Variants in ATOSB observed in about 807,000 individuals in gnomAD.
The protein encoded by ATOSB is atos homolog B, also known as atos homolog protein B.
chr9:35,111,152 T>G, the ATOSB span: 1 of 154,194 alleles, frequency 6.5e-6, no homozygotes, highest in African/African-American at 2.4e-5. Flanking sequence ...GGACGATCCC[T>G]TACCCCCTGC....
the ATOSB span, chr9:35,107,597 C>T: frequency 1.3e-6 from 2 of 1,590,576 alleles, no homozygotes; most frequent in Middle Eastern, 1.7e-4. Flanking sequence ...GGGGTGTGTG[C>T]TCGGGACTGT....
At chr9:35,106,075 C>T in the ATOSB span, 1 of 1,548,634 alleles carries the variant, frequency 6.5e-7, no homozygotes, top group Non-Finnish European at 8.8e-7. The surrounding 1 kb of genome is among the most constrained non-coding windows in gnomAD (Gnocchi z 4.6). Context: ...AAACACATGT[C>T]CCTCTCCACA....
chr9:35,106,698 C>T, the ATOSB span: 2 of 1,475,704 alleles, frequency 1.4e-6, no homozygotes, highest in Admixed American at 2.0e-5. This position sits in a 1 kb window ranked among gnomAD's most constrained non-coding sequence, Gnocchi z 4.6. Flanking sequence ...GGGATTCCTG[C>T]TTATGCCCTT....
the ATOSB span, chr9:35,107,226 G>A: frequency 1.1e-6 from 1 of 909,050 alleles, no homozygotes; most frequent in Non-Finnish European, 1.6e-6. Context: ...GGGAGGCTGA[G>A]GTTGGAGGAT....
At chr9:35,114,013 G>A in the ATOSB span, among the ~76,000 whole-genome samples, 1 of 152,162 alleles carries the variant, frequency 6.6e-6, no homozygotes, top group African/African-American at 2.4e-5. Flanking sequence ...TGTAAAATGA[G>A]GTGTTTGTAT....
At chr9:35,106,247 C>T in the ATOSB span, 4 of 1,613,202 alleles carry the variant, frequency 2.5e-6, no homozygotes, top group Non-Finnish European at 3.4e-6. This position sits in a 1 kb window ranked among gnomAD's most constrained non-coding sequence, Gnocchi z 4.6. Flanking sequence ...GGAGTCAAGG[C>T]ATACCAGGAA....
chr9:35,110,495 A>G, the ATOSB span: 1 of 144,992 alleles, frequency 6.9e-6, no homozygotes, highest in Non-Finnish European at 1.5e-5. Context: ...AAGACGCTCT[A>G]TATTCACTCC....
the ATOSB span, chr9:35,105,643 ACCTGGGCCT>A: frequency 6.3e-7 from 1 of 1,593,312 alleles, no homozygotes; most frequent in South Asian, 1.1e-5. The surrounding 1 kb of genome is among the most constrained non-coding windows in gnomAD (Gnocchi z 5.5). Flanking sequence ...GGGAGGGGAT[ACCTGGGCCT>A]CCCCAGCCAT....
the ATOSB span, among the ~76,000 whole-genome samples, chr9:35,113,778 C>T: frequency 1.3e-5 from 2 of 151,958 alleles, no homozygotes; most frequent in Non-Finnish European, 2.9e-5. Context: ...TTTCTTTCTC[C>T]CCTTAATAGA....
At chr9:35,111,318 C>G in the ATOSB span, 1 of 156,094 alleles carries the variant, frequency 6.4e-6, no homozygotes, top group African/African-American at 2.4e-5. Flanking sequence ...CGGGCCCTTC[C>G]GTCCCGTCCC....
chr9:35,107,645 G>A, the ATOSB span: 4 of 1,605,358 alleles, frequency 2.5e-6, no homozygotes, highest in South Asian at 3.3e-5. Context: ...TAGGCCAGAG[G>A]CTACCCCCAT....
the ATOSB span, chr9:35,104,428 T>C: frequency 5.8e-6 from 1 of 173,478 alleles, no homozygotes; most frequent in Non-Finnish European, 1.3e-5. Flanking sequence ...CTCTGCCCCC[T>C]GGACACCTTC....
At chr9:35,112,637 G>C in the ATOSB span, among the ~76,000 whole-genome samples, 7 of 152,170 alleles carry the variant, frequency 4.6e-5, no homozygotes, top group African/African-American at 1.7e-4. Flanking sequence ...GGTAAACTAA[G>C]AAAAGCAATA....
the ATOSB span, chr9:35,109,900 G>A: frequency 6.6e-6 from 1 of 152,520 alleles, no homozygotes; most frequent in Non-Finnish European, 1.5e-5. Context: ...AAGTACAGGG[G>A]TAAGCACACA....
the ATOSB span, chr9:35,110,406 C>T: frequency 1.3e-5 from 2 of 152,340 alleles, no homozygotes; most frequent in Non-Finnish European, 2.9e-5. Flanking sequence ...CAGGGGATGA[C>T]ATGATGCCCT....
the ATOSB span, chr9:35,112,274 T>C: frequency 2.6e-5 from 4 of 151,960 alleles, no homozygotes; most frequent in Non-Finnish European, 5.9e-5. Context: ...AGCATTATTC[T>C]TTGTGCCTCT....
the ATOSB span, chr9:35,106,241 T>G: frequency 1.6e-5 from 26 of 1,612,784 alleles, no homozygotes; most frequent in South Asian, 2.6e-4. The surrounding 1 kb of genome is among the most constrained non-coding windows in gnomAD (Gnocchi z 4.6). Flanking sequence ...GGGGTTGGAG[T>G]CAAGGCATAC....
the ATOSB span, chr9:35,106,846 G>A: frequency 1.3e-5 from 21 of 1,570,986 alleles, no homozygotes; most frequent in African/African-American, 6.8e-5. This position sits in a 1 kb window ranked among gnomAD's most constrained non-coding sequence, Gnocchi z 4.6. Flanking sequence ...TTCAGGCGAC[G>A]GGCTCCTTTC....
the ATOSB span, chr9:35,116,136 G>T: frequency 6.7e-6 from 1 of 149,256 alleles, no homozygotes; most frequent in African/African-American, 2.5e-5. Context: ...CGGTCTCTCC[G>T]CCTTTCACCA....
Sources: allele counts gnomAD v4.1 joint callset (sites outside exome capture counted in the v4.1 genomes callset), GRCh38; gene constraint gnomAD v4.1.1; non-coding constraint Gnocchi (gnomAD v3.1); transcripts MANE v1.5; gene names NCBI Gene and HGNC (gene_info 2026-07-23, HGNC 2026-07-21).